The following TYW1B variants were observed in gnomAD, a reference collection of about 807,000 sequenced individuals.
The protein encoded by TYW1B is tRNA-yW synthesizing protein 1 homolog B.
A neutral mutation model predicts 86.9 loss-of-function variants in TYW1B; 73 were observed. The ratio of observed to expected loss-of-function variants is 0.84; its 90% CI spans 0.70 to 1.02. TYW1B has a LOEUF of 1.02. TYW1B is among the 50% of genes least tolerant of loss of function. The pLI is 0.00. For synonymous variants in TYW1B, 248 were observed against 292.8 expected (o/e 0.85, Z 1.56); for missense variants, 637 against 827.4 (o/e 0.77, Z 2.82).
At chr7:72,664,755 T>TA (rs528154758) in intron 11 of TYW1B, among the ~76,000 whole-genome samples, 24 of 150,114 alleles carry the variant, frequency 1.6e-4, no homozygotes, top group East Asian at 5.8e-4. Context: ...CTTAAGAGTT[T>TA]AAAAAAAAAA....
Position 72,575,786 on chromosome 7 carries a change from T to A in TYW1B, c.1786-67A>T, listed in dbSNP as rs1481419841. On this transcript the variant is annotated intron_variant, in intron 13 of 13. Transcript: ENST00000620995. ...CCTAGAAAAAAAAAATGAATGTTTT[T>A]AAAAATCATGAACAAGTCTGATCTT... is the stretch of plus-strand genomic sequence containing the variant. The A allele has an allele frequency of 1.7e-5, 27 of 1,579,990 alleles. No homozygotes were observed. In the African/African-American group the frequency reaches 3.0e-4, roughly 18 times the overall value.
intron 10 of TYW1B, among the ~76,000 whole-genome samples, chr7:72,703,676 G>A (rs781892206): frequency 6.6e-6 from 1 of 151,760 alleles, no homozygotes; most frequent in African/African-American, 2.4e-5. Flanking sequence ...CCAACATGGT[G>A]AAACCATGTT....
chr7:72,826,418 T>C (rs1459678043), intron 2 of TYW1B, among the ~76,000 whole-genome samples: 6 of 152,214 alleles, frequency 3.9e-5, no homozygotes, highest in African/African-American at 1.4e-4. Flanking sequence ...AATAAGGTCC[T>C]TTAATAGGCA....
intron 13 of TYW1B, among the ~76,000 whole-genome samples, chr7:72,613,543 G>T (rs1297555636): frequency 6.6e-6 from 1 of 151,294 alleles, no homozygotes; most frequent in Admixed American, 6.6e-5. Flanking sequence ...GAGTACCTGA[G>T]ATTACAGGCC....
intron 13 of TYW1B, among the ~76,000 whole-genome samples, chr7:72,608,076 A>G (rs868982415): frequency 2.0e-5 from 3 of 152,238 alleles, no homozygotes; most frequent in Non-Finnish European, 4.4e-5. Context: ...TACTTTACCT[A>G]CCAAAAATAT....
chr7:72,657,006 T>C (rs1554443744), intron 11 of TYW1B, among the ~76,000 whole-genome samples: 1 of 151,596 alleles, frequency 6.6e-6, no homozygotes, highest in Non-Finnish European at 1.5e-5. Flanking sequence ...CCAAACAATA[T>C]CTCCTCCAAA....
At chr7:72,749,570 G>A (rs1487024647) in intron 7 of TYW1B, among the ~76,000 whole-genome samples, 1 of 152,172 alleles carries the variant, frequency 6.6e-6, no homozygotes, top group Non-Finnish European at 1.5e-5. Flanking sequence ...GGGATTACAG[G>A]CGTGAGCCGC....
intron 11 of TYW1B, among the ~76,000 whole-genome samples, chr7:72,648,692 T>C (rs185894734): frequency 6.6e-6 from 1 of 152,234 alleles, no homozygotes; most frequent in African/African-American, 2.4e-5. Flanking sequence ...TGAAGAGTCA[T>C]GTACTCTACA....
At chr7:72,700,498 A>C (rs1554452344) in intron 10 of TYW1B, among the ~76,000 whole-genome samples, 1 of 152,134 alleles carries the variant, frequency 6.6e-6, no homozygotes. Context: ...TAACAACTAC[A>C]AAGAATGCAC....
At chr7:72,660,432 A>AAACTTTATT in intron 11 of TYW1B, among the ~76,000 whole-genome samples, 1 of 152,238 alleles carries the variant, frequency 6.6e-6, no homozygotes, top group East Asian at 1.9e-4. Context: ...TGTTCCAATA[A>AAACTTTATT]AACTTTATTT....
intron 7 of TYW1B, among the ~76,000 whole-genome samples, chr7:72,746,700 A>C (rs1348310888): frequency 6.6e-6 from 1 of 152,184 alleles, no homozygotes; most frequent in African/African-American, 2.4e-5. Context: ...ATCTCTCTGC[A>C]CGTGCACAGA....
chr7:72,684,647 A>G (rs2129570029), intron 11 of TYW1B, among the ~76,000 whole-genome samples: 1 of 152,334 alleles, frequency 6.6e-6, no homozygotes, highest in South Asian at 2.1e-4. Context: ...ACATCAGAGA[A>G]GGAGTAAAAT....
intron 7 of TYW1B, among the ~76,000 whole-genome samples, chr7:72,767,689 T>C (rs1787795510): frequency 6.6e-6 from 1 of 152,160 alleles, no homozygotes; most frequent in Non-Finnish European, 1.5e-5. Context: ...AATTAAAAAG[T>C]AAACTTTGTC....
intron 10 of TYW1B, among the ~76,000 whole-genome samples, chr7:72,703,805 A>G (rs1554453158): frequency 1.3e-5 from 2 of 151,760 alleles, no homozygotes; most frequent in Non-Finnish European, 2.9e-5. Context: ...CAGTGAGCCA[A>G]GATCTCACCA....
chr7:72,693,219 AGAT>A (rs1465001401), intron 11 of TYW1B, among the ~76,000 whole-genome samples: 5 of 152,138 alleles, frequency 3.3e-5, no homozygotes, highest in Non-Finnish European at 7.3e-5. Flanking sequence ...AAGCAGAACC[AGAT>A]GATTACTTTA....
chr7:72,732,577 G>T (rs186754931), intron 8 of TYW1B, among the ~76,000 whole-genome samples: 83 of 152,206 alleles, frequency 5.5e-4, no homozygotes, highest in African/African-American at 2.0e-3. Context: ...AATGAAAGTA[G>T]AAGCAAATGT....
At chr7:72,694,638 T>C (rs2129570278) in intron 11 of TYW1B, 49 bp downstream of exon 11, 1 of 1,540,306 alleles carries the variant, frequency 6.5e-7, no homozygotes, top group Non-Finnish European at 8.7e-7. Flanking sequence ...TTAACTTCAG[T>C]ACACACCTGA....
rs1554436940 is a variant in TYW1B at position 72,616,724 on chromosome 7, T to C, written c.1733A>G (p.Glu578Gly). ...RELVDLIPEYEIACEHEHSNC... is the reference protein window; with the variant it reads ...RELVDLIPEYGIACEHEHSNC... ...AGAGTGTTCGTGTTCACATGCAATT[T>C]CATATTCGGGGATCAGATCCACCAG... Residue 578 changes from glutamate to glycine, a missense_variant, in exon 13 of 14, where the codon GAA (glutamate) becomes GGA (glycine). Physicochemically the swap from Glu to Gly is moderately conservative, Grantham distance 98. Coordinates refer to ENST00000620995, the MANE Select transcript of TYW1B (RefSeq NM_001145440.3). The C allele has an allele frequency of 6.2e-7, 1 of 1,614,214 alleles. No homozygotes were observed. Among genetic ancestry groups the C allele is most frequent in the Non-Finnish European group, 8.5e-7 (1 of 1,180,038 alleles).
intron 2 of TYW1B, among the ~76,000 whole-genome samples, chr7:72,820,699 C>T (rs1401456705): frequency 6.6e-6 from 1 of 152,120 alleles, no homozygotes; most frequent in Non-Finnish European, 1.5e-5. Flanking sequence ...TCACCCCTCC[C>T]CCAGGGATTC....
Sources: gnomAD v4.1 joint callset for allele counts (sites outside exome capture counted in the v4.1 genomes callset) on GRCh38, gnomAD v4.1.1 for gene constraint, MANE v1.5 for transcripts, NCBI Gene and HGNC (gene_info 2026-07-23, HGNC 2026-07-21) for gene names.